CSAD: variants seen among roughly 807,000 people sequenced by gnomAD.
CSAD encodes the protein P-selectin cytoplasmic tail-associated protein.
CSAD carries 47 observed loss-of-function variants against 61.5 expected under a neutral mutation model. The observed-to-expected ratio is 0.76, with a 90% CI of 0.60 to 0.97. The LOEUF (loss-of-function observed/expected upper bound fraction) is 0.97, where lower values mean the gene tolerates loss of function less well. Ranked by LOEUF, CSAD falls within the 50% of genes least tolerant of loss-of-function variation. The probability of loss-of-function intolerance (pLI) is 0.00; values close to 1 mark genes in which losing one functional copy is unlikely to be tolerated. For missense variants in CSAD, 611 were observed against 643.6 expected (o/e 0.95, Z 0.55); for synonymous variants, 245 against 252.7 (o/e 0.97, Z 0.29).
chr12:53,173,511 G>A (rs1940844413), intron 3 of CSAD, 35 bp from the exon 4 acceptor site: 2 of 1,614,016 alleles, frequency 1.2e-6, no homozygotes, highest in African/African-American at 2.7e-5. Flanking sequence ...TACTCAGCCT[G>A]TCAACCCTTC....
intron 2 of CSAD, among the ~76,000 whole-genome samples, chr12:53,176,207 C>T (rs957635886): frequency 2.0e-4 from 31 of 151,532 alleles, no homozygotes; most frequent in Non-Finnish European, 3.8e-4. Flanking sequence ...GTCAGGAGTT[C>T]GAGACCAGCC....
upstream of CSAD, chr12:53,180,977 G>A (rs1445587597): frequency 7.6e-6 from 6 of 789,922 alleles, no homozygotes; most frequent in Non-Finnish European, 9.6e-6. Flanking sequence ...GATCTCCGGG[G>A]GAGGGAGGGG....
At chr12:53,173,522 C>G (rs1476178570) in intron 3 of CSAD, 46 bp from the exon 4 acceptor site, 1 of 1,613,444 alleles carries the variant, frequency 6.2e-7, no homozygotes, top group Non-Finnish European at 8.5e-7. Flanking sequence ...TCAACCCTTC[C>G]CGGACCTACC....
chr12:53,168,813 C>T (rs2121494349), intron 10 of CSAD, among the ~76,000 whole-genome samples: 1 of 152,290 alleles, frequency 6.6e-6, no homozygotes. Context: ...GTCCATTTTA[C>T]AGAGGAAGGA....
Position 53,161,118 on chromosome 12 carries a change from T to C in CSAD, c.884+9A>G, listed in dbSNP as rs775810345. On this transcript the variant is annotated intron_variant, in intron 12 of 16. Transcript: ENST00000444623. ...GGGCGGGATTTGGGAAGAAGGGGAC[T>C]GTATGCACCTCTGGATCCCATCCAG... The C allele has an allele frequency of 1.9e-6, 3 of 1,613,406 alleles. No homozygotes were observed. Among genetic ancestry groups the C allele is most frequent in the South Asian group, 2.2e-5 (2 of 91,040 alleles).
rs146768759 is a variant in CSAD, at chr12:53,158,662, C to T, written c.1331G>A (p.Arg444His). The T allele has an allele frequency of 2.2e-5, 36 of 1,614,082 alleles. No individual in the cohort carries two copies. Among genetic ancestry groups the T allele is most frequent in the South Asian group, 6.6e-5 (6 of 91,070 alleles). ...LSKVAPVLKE[R>H]MVKEGSMMIG... Reference sequence around the variant, plus strand: ...CATCATGGAGCCCTCCTTCACCATGCGCTCCTTGAGCACGGGGGCCACCTG... The same window carrying T: ...CATCATGGAGCCCTCCTTCACCATGTGCTCCTTGAGCACGGGGGCCACCTG... Residue 444 changes from arginine to histidine, a missense_variant, in exon 17 of 17, where the codon CGC becomes CAC. By Grantham distance (29) the Arg-to-His change is conservative. Transcript: ENST00000444623.
chr12:53,170,405 G>A lies in CSAD; in HGVS notation c.647+18C>T. ...GTGCAAAGCTAGGTCACAGCCATGTGGGCAGAAGGACCTTCACCTCTCATC... is the reference window on the plus strand; with the variant it reads ...GTGCAAAGCTAGGTCACAGCCATGTAGGCAGAAGGACCTTCACCTCTCATC... On this transcript the variant is annotated intron_variant, in intron 9 of 16. Coordinates refer to ENST00000444623, the MANE Select transcript of CSAD (RefSeq NM_001244705.2). 1 of 1,609,866 alleles carries A rather than the reference G, an allele frequency of 6.2e-7. No homozygotes were observed. Among genetic ancestry groups the A allele is most frequent in the Non-Finnish European group, 8.5e-7 (1 of 1,176,118 alleles).
chr12:53,170,811 C>A, intron 8 of CSAD: 2 of 404,002 alleles, frequency 5.0e-6, no homozygotes, highest in Non-Finnish European at 9.3e-6. Flanking sequence ...ACTTCCGCCT[C>A]CCAGGTTCAA....
intron 10 of CSAD, among the ~76,000 whole-genome samples, chr12:53,163,523 T>G (rs1939553168): frequency 6.6e-6 from 1 of 152,104 alleles, no homozygotes; most frequent in South Asian, 2.1e-4. Flanking sequence ...CTATACACAT[T>G]AGCAATGAAC....
At chr12:53,180,953 G>A (rs1941573291), upstream of CSAD, 1 of 870,146 alleles carries the variant, frequency 1.1e-6, no homozygotes, top group African/African-American at 1.9e-5. Context: ...AGGGGCGCGT[G>A]GCGAAGGGAG....
chr12:53,180,595 G>A (rs1159347171), intron 1 of CSAD, 137 bp downstream of exon 1: 1 of 1,285,204 alleles, frequency 7.8e-7, no homozygotes, highest in Non-Finnish European at 1.0e-6. Context: ...GCGTCCCCAA[G>A]CTCACCCGCT....
intron 2 of CSAD, among the ~76,000 whole-genome samples, chr12:53,176,337 G>A (rs2121519230): frequency 6.6e-6 from 1 of 152,162 alleles, no homozygotes; most frequent in East Asian, 1.9e-4. Flanking sequence ...TTGAACCCGG[G>A]AGGCAGAGGT....
chr12:53,177,565 G>C (rs1275511970), intron 2 of CSAD, among the ~76,000 whole-genome samples: 7 of 152,092 alleles, frequency 4.6e-5, no homozygotes, highest in African/African-American at 1.7e-4. Context: ...GAAGTGGGAG[G>C]ATCACTTGAG....
chr12:53,168,923 T>C (rs1458112989), intron 10 of CSAD, among the ~76,000 whole-genome samples: 1 of 152,242 alleles, frequency 6.6e-6, no homozygotes, highest in Admixed American at 6.5e-5. Context: ...CTCACGCCTA[T>C]AATCCCAGCA....
chr12:53,171,604 C>G (rs893128341), intron 7 of CSAD, 163 bp from the exon 8 acceptor site: 6 of 701,674 alleles, frequency 8.6e-6, no homozygotes, highest in South Asian at 5.6e-5. Flanking sequence ...GATCCAGGAT[C>G]AGCAGATCCT....
Position 53,180,202 on chromosome 12 carries a change from C to T in CSAD, c.-91+530G>A, listed in dbSNP as rs542574993. The T allele has an allele frequency of 4.1e-6, 4 of 985,410 alleles. No individual in the cohort carries two copies. The South Asian group carries it at 1.9e-4, about 46-fold the overall frequency. The allele number at this position is 985,410 out of a possible 1,614,324, so 61.0% of individuals were successfully genotyped here. A position where few individuals can be genotyped will look rare whatever the true frequency, so the allele number is the denominator to read the frequency against. On this transcript the variant is annotated intron_variant, in intron 1 of 16. Transcript: ENST00000444623. ...AGAGTGTGCGAAGAAAAGTTAACGC[C>T]TCTCCCAGCTGACCCCAAAATCTGC...
intron 12 of CSAD, 70 bp downstream of exon 12, chr12:53,161,057 C>A: frequency 6.7e-7 from 1 of 1,496,276 alleles, no homozygotes; most frequent in East Asian, 2.3e-5. Context: ...GTTAAACTCC[C>A]TAGTCCATGA....
chr12:53,161,448 C>A, intron 10 of CSAD, 59 bp from the exon 11 acceptor site: 1 of 1,414,288 alleles, frequency 7.1e-7, no homozygotes, highest in Non-Finnish European at 9.9e-7. Context: ...TACTCAGAGC[C>A]TGATGCTGGG....
intron 2 of CSAD, among the ~76,000 whole-genome samples, chr12:53,178,780 A>G (rs901765523): frequency 4.6e-5 from 7 of 150,790 alleles, no homozygotes; most frequent in African/African-American, 1.5e-4. Context: ...GTGAGACTCC[A>G]TCTCAAAAAA....
Sources: gnomAD v4.1 joint callset for allele counts (sites outside exome capture counted in the v4.1 genomes callset) on GRCh38, gnomAD v4.1.1 for gene constraint, MANE v1.5 for transcripts, NCBI Gene and HGNC (gene_info 2026-07-23, HGNC 2026-07-21) for gene names.